The following F13A1 variants were observed in gnomAD, a reference collection of about 807,000 sequenced individuals.
F13A1 encodes coagulation factor XIII A chain.
Under a neutral mutation model 80.1 loss-of-function variants are expected in F13A1, and 47 were observed. The ratio of observed to expected loss-of-function variants is 0.59; its 90% CI spans 0.46 to 0.75. The LOEUF is 0.75. F13A1 is among the 30% of genes least tolerant of loss of function. The pLI is 0.00. For missense variants in F13A1, 817 were observed against 930.4 expected, an observed-to-expected ratio of 0.88 and a Z score of 1.59; for synonymous variants, 349 against 344.9, an observed-to-expected ratio of 1.01 and a Z score of -0.13.
intron 10 of F13A1, among the ~76,000 whole-genome samples, chr6:6,194,484 T>C (rs990821187): frequency 1.4e-4 from 22 of 152,178 alleles, no homozygotes; most frequent in African/African-American, 5.3e-4. Flanking sequence ...AGTTCTCTGC[T>C]CTTACTACCT....
At chr6:6,266,863 G>A in intron 3 of F13A1, 54 bp from the exon 4 acceptor site, 2 of 1,612,522 alleles carry the variant, frequency 1.2e-6, no homozygotes, top group South Asian at 1.1e-5. Flanking sequence ...AGCCATTTTT[G>A]TTCTCACTCT....
chr6:6,163,220 G>T (rs1193230799), intron 13 of F13A1, among the ~76,000 whole-genome samples: 1 of 152,164 alleles, frequency 6.6e-6, no homozygotes, highest in African/African-American at 2.4e-5. Context: ...GTTGAAAAAG[G>T]GTGTGAGCGT....
At position 6,250,841 on chromosome 6, in the gene F13A1, G is replaced by A. The variant is rs143741081; in HGVS notation, c.660C>T (p.Asp220=). The change falls in exon 5 of 15, where the codon GAC becomes GAT. Residue 220 remains aspartate (D), a synonymous_variant. Coordinates refer to ENST00000264870, the MANE Select transcript of F13A1 (RefSeq NM_000129.4). This position sits in a 1 kb window ranked among gnomAD's most constrained non-coding sequence, Gnocchi z 4.2. ...CATAGCTCCAGCTTCTGGTCTTGAT[G>A]TCATTGACCTCTCCATAAAAAATTA... ...IGVIFYGEVN[D]IKTRSWSYGQ... 4.6e-5 allele frequency: 74 copies of A among 1,613,216 alleles called. No homozygotes were observed. In the East Asian group the frequency reaches 1.3e-3, roughly 29 times the overall value.
At chr6:6,232,668 A>T (rs1390356316) in intron 6 of F13A1, among the ~76,000 whole-genome samples, 1 of 151,304 alleles carries the variant, frequency 6.6e-6, no homozygotes, top group Non-Finnish European at 1.5e-5. Flanking sequence ...TCAACAGTGC[A>T]TAAAACTTTC....
intron 8 of F13A1, among the ~76,000 whole-genome samples, chr6:6,208,615 T>C (rs1236310225): frequency 6.6e-6 from 1 of 152,178 alleles, no homozygotes; most frequent in African/African-American, 2.4e-5. Flanking sequence ...ATTCAAACTG[T>C]CAAAAGCTGA....
In F13A1 at chr6:6,191,201, G is replaced by A. The variant is rs375794627; in HGVS notation, c.1305+4596C>T. Among the ~76,000 whole-genome samples, 7 of 152,176 alleles carry A rather than the reference G, an allele frequency of 4.6e-5. No homozygotes were observed. The South Asian group carries it at 1.4e-3, about 31-fold the overall frequency. Reference sequence around the variant, plus strand: ...ACCAGTCTTCTGCGTCACTCATGCTGGGAGCTGTAGACTGGAGCTGTTCCT... The same window carrying A: ...ACCAGTCTTCTGCGTCACTCATGCTAGGAGCTGTAGACTGGAGCTGTTCCT... On this transcript the variant is annotated intron_variant, in intron 10 of 14. Coordinates refer to ENST00000264870, the MANE Select transcript of F13A1 (RefSeq NM_000129.4).
At chr6:6,210,880 C>T (rs965446105) in intron 8 of F13A1, among the ~76,000 whole-genome samples, 1 of 152,132 alleles carries the variant, frequency 6.6e-6, no homozygotes, top group African/African-American at 2.4e-5. Context: ...AGGCATGCAC[C>T]ACCACGCCCA....
At chr6:6,269,404 A>C (rs575992518) in intron 3 of F13A1, among the ~76,000 whole-genome samples, 1 of 152,334 alleles carries the variant, frequency 6.6e-6, no homozygotes, top group South Asian at 2.1e-4. Flanking sequence ...AAACCTATCA[A>C]AGCCCAAATC....
rs113594880 is a variant in F13A1 at position 6,217,771 on chromosome 6, G to A, written c.1112+4262C>T. On this transcript the variant is annotated intron_variant, in intron 8 of 14. Coordinates refer to ENST00000264870, the MANE Select transcript of F13A1 (RefSeq NM_000129.4). The stretch of plus-strand genomic sequence containing the variant: ...CTACAATGTGTGAAACACCATATGA[G>A]TACTGAGGACATAATGAGAATTAGG... Among the ~76,000 whole-genome samples the A allele has an allele frequency of 8.1e-3, 1,227 of 152,302 alleles. 21 individuals are homozygous for A. Among genetic ancestry groups the A allele is most frequent in the African/African-American group, 0.027 (1,126 of 41,570 alleles).
At chr6:6,301,231 T>C (rs1758426127) in intron 3 of F13A1, among the ~76,000 whole-genome samples, 1 of 152,232 alleles carries the variant, frequency 6.6e-6, no homozygotes, top group South Asian at 2.1e-4. Context: ...ATGGCAGCCA[T>C]GAAGTTGAGG....
At chr6:6,283,475 A>G (rs1428322575) in intron 3 of F13A1, among the ~76,000 whole-genome samples, 1 of 152,238 alleles carries the variant, frequency 6.6e-6, no homozygotes, top group Non-Finnish European at 1.5e-5. Flanking sequence ...GGTAGTACAC[A>G]CTAAAGTATT....
intron 3 of F13A1, among the ~76,000 whole-genome samples, chr6:6,275,351 A>G (rs1292883952): frequency 1.4e-5 from 1 of 69,028 alleles, no homozygotes; most frequent in Non-Finnish European, 2.7e-5. Flanking sequence ...GCCAGGCACC[A>G]TTTTTTTTAT....
intron 8 of F13A1, among the ~76,000 whole-genome samples, chr6:6,198,167 G>C (rs563874963): frequency 6.6e-6 from 1 of 152,244 alleles, no homozygotes; most frequent in East Asian, 1.9e-4. Flanking sequence ...TGTCCAACAA[G>C]AAGAATACGT....
At chr6:6,167,747 G>T in intron 12 of F13A1, 129 bp from the exon 13 acceptor site, 3 of 995,554 alleles carry the variant, frequency 3.0e-6, no homozygotes, top group Non-Finnish European at 4.6e-6. Context: ...AAGGTAAGGG[G>T]CAAGTGGAAC....
chr6:6,210,211 G>C (rs1281111912), intron 8 of F13A1, among the ~76,000 whole-genome samples: 1 of 151,006 alleles, frequency 6.6e-6, no homozygotes, highest in Non-Finnish European at 1.5e-5. Flanking sequence ...GCTTGGGTGA[G>C]AGACAACCTG....
intron 13 of F13A1, among the ~76,000 whole-genome samples, chr6:6,158,317 A>G (rs1287885026): frequency 1.3e-5 from 2 of 152,192 alleles, no homozygotes; most frequent in Non-Finnish European, 2.9e-5. Flanking sequence ...CGGGGCTGCC[A>G]CTTTGAGTTT....
intron 3 of F13A1, among the ~76,000 whole-genome samples, chr6:6,291,162 CT>C (rs1758219468): frequency 6.6e-6 from 1 of 152,140 alleles, no homozygotes; most frequent in African/African-American, 2.4e-5. Context: ...GTTCATACTT[CT>C]CCACCTACGG....
At chr6:6,183,253 A>C (rs1442277238) in intron 10 of F13A1, among the ~76,000 whole-genome samples, 2 of 152,224 alleles carry the variant, frequency 1.3e-5, no homozygotes, top group Non-Finnish European at 2.9e-5. Context: ...ATAGGGTGAT[A>C]ATAACTCCTT....
chr6:6,145,359 T>A lies in F13A1; in HGVS notation c.*260A>T. 1 of 503,906 alleles carries A rather than the reference T, an allele frequency of 2.0e-6. No individual in the cohort carries two copies. 31.2% of individuals were successfully genotyped at this position (503,906 alleles called of 1,614,324 possible). On this transcript the variant is annotated 3_prime_UTR_variant, in exon 15 of 15. Transcript: ENST00000264870. ...TGATAAATGATGACTGTTACTCTTA[T>A]GAGCTATGAGAGCTTAATTAAAGCT... is the stretch of plus-strand genomic sequence containing the variant.
Sources: allele counts gnomAD v4.1 joint callset (sites outside exome capture counted in the v4.1 genomes callset), GRCh38; gene constraint gnomAD v4.1.1; non-coding constraint Gnocchi (gnomAD v3.1); transcripts MANE v1.5; gene names NCBI Gene and HGNC (gene_info 2026-07-23, HGNC 2026-07-21).